The following SLC16A12 variants were observed in gnomAD, a reference collection of about 807,000 sequenced individuals.
The protein encoded by SLC16A12 is monocarboxylate transporter 12.
SLC16A12 carries 17 observed loss-of-function variants against 42.4 expected under a neutral mutation model. The observed-to-expected ratio is 0.40, with a 90% CI of 0.27 to 0.60. SLC16A12 has a LOEUF of 0.60. SLC16A12 is among the 20% of genes least tolerant of loss of function. SLC16A12 has a pLI of 0.42. For missense variants in SLC16A12, 544 were observed against 623.0 expected, an observed-to-expected ratio of 0.87 and a Z score of 1.35; for synonymous variants, 224 against 229.4, an observed-to-expected ratio of 0.98 and a Z score of 0.21.
At chr10:89,459,416 G>A (rs552445682) in intron 3 of SLC16A12, among the ~76,000 whole-genome samples, 1 of 151,968 alleles carries the variant, frequency 6.6e-6, no homozygotes, top group Non-Finnish European at 1.5e-5. Context: ...TGTGTGTGTA[G>A]TGTGTATGCA....
At chr10:89,466,193 C>T (rs559492694) in intron 2 of SLC16A12, among the ~76,000 whole-genome samples, 10 of 152,290 alleles carry the variant, frequency 6.6e-5, no homozygotes, top group Admixed American at 2.0e-4. Flanking sequence ...TGAGATAAAA[C>T]ATGAGGAATA....
At chr10:89,433,360 G>A in intron 7 of SLC16A12, 34 bp from the exon 8 acceptor site, 1 of 1,608,878 alleles carries the variant, frequency 6.2e-7, no homozygotes, top group East Asian at 2.2e-5. Flanking sequence ...TTATTTTTGA[G>A]TTGAAAATTC....
chr10:89,481,678 A>T (rs303198), intron 2 of SLC16A12, among the ~76,000 whole-genome samples: 32,836 of 143,718 alleles, frequency 0.23, 4,313 homozygotes, highest in Non-Finnish European at 0.32. Context: ...AGAGAGAGAG[A>T]GTGTGTGTGT....
At chr10:89,511,736 TAAAC>T (rs961764991) in intron 2 of SLC16A12, among the ~76,000 whole-genome samples, 15 of 151,962 alleles carry the variant, frequency 9.9e-5, no homozygotes, top group Admixed American at 7.2e-4. Flanking sequence ...ATAATAATAA[TAAAC>T]AAATAAAATT....
chr10:89,516,824 G>A (rs1411567494), intron 2 of SLC16A12, among the ~76,000 whole-genome samples: 2 of 152,164 alleles, frequency 1.3e-5, no homozygotes, highest in East Asian at 3.8e-4. Flanking sequence ...TCCAGTAAGG[G>A]CCAGGAATCC....
intron 2 of SLC16A12, among the ~76,000 whole-genome samples, chr10:89,553,812 A>T (rs1684457972): frequency 6.6e-6 from 1 of 151,656 alleles, no homozygotes; most frequent in African/African-American, 2.4e-5. Flanking sequence ...TGGCCAACAC[A>T]GTGAAACCCT....
At chr10:89,511,385 G>T (rs1460992734) in intron 2 of SLC16A12, among the ~76,000 whole-genome samples, 1 of 152,190 alleles carries the variant, frequency 6.6e-6, no homozygotes, top group Non-Finnish European at 1.5e-5. Context: ...ATACACCATG[G>T]AATACTATGC....
chr10:89,551,012 A>G (rs903730024), intron 2 of SLC16A12, among the ~76,000 whole-genome samples: 2 of 152,242 alleles, frequency 1.3e-5, no homozygotes, highest in African/African-American at 4.8e-5. Flanking sequence ...AGGAATGAAT[A>G]AAAGGATCCA....
chr10:89,443,916 C>T (rs919607970), intron 3 of SLC16A12, 57 bp from the exon 4 acceptor site: 1 of 1,135,998 alleles, frequency 8.8e-7, no homozygotes, highest in Non-Finnish European at 1.3e-6. Context: ...GCATTTGAGC[C>T]AGAACTTAAA....
chr10:89,521,689 A>G (rs1465485086), intron 2 of SLC16A12, among the ~76,000 whole-genome samples: 2 of 152,214 alleles, frequency 1.3e-5, no homozygotes, highest in African/African-American at 4.8e-5. Flanking sequence ...TTACAAGGAA[A>G]AATGAAAGAG....
At chr10:89,552,145 G>A (rs923554851) in intron 2 of SLC16A12, among the ~76,000 whole-genome samples, 11 of 151,900 alleles carry the variant, frequency 7.2e-5, no homozygotes, top group African/African-American at 2.4e-4. Context: ...CATATTGGCC[G>A]GGCTGGTCTT....
intron 2 of SLC16A12, among the ~76,000 whole-genome samples, chr10:89,554,123 G>GGAAGGAAAGAAA (rs1843793129): frequency 1.4e-5 from 2 of 139,660 alleles, no homozygotes; most frequent in African/African-American, 5.7e-5. Flanking sequence ...AAGGAAGGAA[G>GGAAGGAAAGAAA]GAAGGAAGGA....
intron 2 of SLC16A12, among the ~76,000 whole-genome samples, chr10:89,463,812 T>C (rs1440057505): frequency 6.6e-6 from 1 of 152,206 alleles, no homozygotes; most frequent in Non-Finnish European, 1.5e-5. Context: ...GGCACCGTTT[T>C]AGGGCACTAA....
chr10:89,542,037 G>A (rs1843718565), intron 2 of SLC16A12, among the ~76,000 whole-genome samples: 1 of 152,094 alleles, frequency 6.6e-6, no homozygotes. Context: ...TTCTCTCCGG[G>A]TGCTTTGAGG....
At chr10:89,479,779 C>T (rs907420546) in intron 2 of SLC16A12, among the ~76,000 whole-genome samples, 2 of 152,074 alleles carry the variant, frequency 1.3e-5, no homozygotes, top group Non-Finnish European at 2.9e-5. Flanking sequence ...CTCCATGAGC[C>T]TTACATAAGG....
chr10:89,462,631 C>A lies in SLC16A12; in HGVS notation c.-46-7G>T. ...CCCATGGGTTACTCGCCATCTAAAA[C>A]CAAAAATCAGGACATATTTATATCT... On this transcript the variant is annotated splice_region_variant and splice_polypyrimidine_tract_variant and intron_variant, in intron 2 of 7. Transcript: ENST00000371790. 6.5e-7 allele frequency: 1 copy of A among 1,533,674 alleles called. No individual in the cohort carries two copies. Among genetic ancestry groups the A allele is most frequent in the Non-Finnish European group, 8.7e-7 (1 of 1,147,584 alleles).
intron 2 of SLC16A12, among the ~76,000 whole-genome samples, chr10:89,531,227 TA>T (rs75288911): frequency 0.075 from 10,622 of 141,604 alleles, 455 homozygotes; most frequent in African/African-American, 0.13. Context: ...CTGTCTCTAC[TA>T]AAAAAAAAAA....
chr10:89,437,999 C>T (rs1037230973), intron 6 of SLC16A12, among the ~76,000 whole-genome samples: 1 of 152,208 alleles, frequency 6.6e-6, no homozygotes, highest in Non-Finnish European at 1.5e-5. Context: ...CTGAATTCTG[C>T]TCCTTTTTCC....
chr10:89,548,614 G>A (rs891333392), intron 2 of SLC16A12, among the ~76,000 whole-genome samples: 8 of 152,046 alleles, frequency 5.3e-5, no homozygotes, highest in Non-Finnish European at 1.2e-4. Context: ...TCAGGAGTTC[G>A]AGACCAGCCT....
Sources: gnomAD v4.1 joint callset for allele counts (sites outside exome capture counted in the v4.1 genomes callset) on GRCh38, gnomAD v4.1.1 for gene constraint, MANE v1.5 for transcripts, NCBI Gene and HGNC (gene_info 2026-07-23, HGNC 2026-07-21) for gene names.